Variants in SEMA5A observed in about 807,000 individuals in gnomAD.
SEMA5A encodes the protein semaphorin 5A.
SEMA5A carries 55 observed loss-of-function variants against 135.5 expected under a neutral mutation model. The observed-to-expected ratio is 0.41, with a 90% confidence interval of 0.33 to 0.51. The LOEUF is 0.51. Ranked by LOEUF, SEMA5A falls within the 20% of genes least tolerant of loss-of-function variation. The probability of loss-of-function intolerance (pLI) is 0.37; values close to 1 mark genes in which losing one functional copy is unlikely to be tolerated. For missense variants in SEMA5A, 1,290 were observed against 1,419.9 expected (o/e 0.91, Z 1.47); for synonymous variants, 580 against 546.5 (o/e 1.06, Z -0.85).
chr5:9,378,467 C>T (rs1366455031), intron 3 of SEMA5A, among the ~76,000 whole-genome samples: 2 of 152,202 alleles, frequency 1.3e-5, no homozygotes, highest in Non-Finnish European at 2.9e-5. Flanking sequence ...AGGAAATACG[C>T]TGCACTACCC....
At chr5:9,434,030 G>A (rs979046550) in intron 2 of SEMA5A, among the ~76,000 whole-genome samples, 1 of 152,158 alleles carries the variant, frequency 6.6e-6, no homozygotes, top group Non-Finnish European at 1.5e-5. Context: ...TGAGAAAGCA[G>A]GATTGGAACT....
At chr5:9,428,516 T>G (rs143339444) in intron 2 of SEMA5A, among the ~76,000 whole-genome samples, 2 of 152,194 alleles carry the variant, frequency 1.3e-5, no homozygotes, top group African/African-American at 4.8e-5. Flanking sequence ...GCTATTTGAA[T>G]ACCTCACCTT....
At chr5:9,521,358 G>A (rs780891614) in intron 1 of SEMA5A, among the ~76,000 whole-genome samples, 21 of 152,108 alleles carry the variant, frequency 1.4e-4, no homozygotes, top group Non-Finnish European at 2.8e-4. Context: ...CGCAGTGAGC[G>A]GAGATCACGC....
At chr5:9,519,089 G>GT in intron 1 of SEMA5A, among the ~76,000 whole-genome samples, 1 of 152,266 alleles carries the variant, frequency 6.6e-6, no homozygotes, top group East Asian at 1.9e-4. Flanking sequence ...CTCATTTTGT[G>GT]TGTTTGTGGT....
intron 3 of SEMA5A, among the ~76,000 whole-genome samples, chr5:9,377,223 CT>C (rs1306848507): frequency 6.6e-6 from 1 of 152,024 alleles, no homozygotes; most frequent in African/African-American, 2.4e-5. Flanking sequence ...TAATTGCCAC[CT>C]TTCATCTAAG....
intron 1 of SEMA5A, among the ~76,000 whole-genome samples, chr5:9,541,854 C>T (rs1249482455): frequency 6.6e-6 from 1 of 152,166 alleles, no homozygotes; most frequent in Admixed American, 6.5e-5. Context: ...AAATGGACAG[C>T]CTGGTTTCCT....
At chr5:9,314,703 A>G (rs560748344) in intron 5 of SEMA5A, among the ~76,000 whole-genome samples, 1 of 152,258 alleles carries the variant, frequency 6.6e-6, no homozygotes, top group East Asian at 1.9e-4. Context: ...TGATATAAAA[A>G]AAAAAAGTGT....
chr5:9,477,607 C>G (rs1759717878), intron 1 of SEMA5A, among the ~76,000 whole-genome samples: 1 of 152,286 alleles, frequency 6.6e-6, no homozygotes, highest in East Asian at 1.9e-4. Flanking sequence ...CATTGTGCCC[C>G]TGCTCTAGGG....
intron 11 of SEMA5A, 40 bp from the exon 12 acceptor site, chr5:9,154,735 G>T (rs1316027728): frequency 2.5e-6 from 4 of 1,569,578 alleles, no homozygotes; most frequent in African/African-American, 2.7e-5. Context: ...AAGGTCAGAG[G>T]GTCTCACAAA....
At chr5:9,184,682 G>T (rs1442566312) in intron 11 of SEMA5A, among the ~76,000 whole-genome samples, 2 of 151,860 alleles carry the variant, frequency 1.3e-5, no homozygotes, top group Admixed American at 6.6e-5. Context: ...CTATTTATTC[G>T]CTTATCTCTG....
At chr5:9,540,587 ACT>A (rs1253982855) in intron 1 of SEMA5A, among the ~76,000 whole-genome samples, 1 of 152,046 alleles carries the variant, frequency 6.6e-6, no homozygotes, top group African/African-American at 2.4e-5. Flanking sequence ...ACAGAGCAAG[ACT>A]CTGTCTCAAA....
intron 3 of SEMA5A, among the ~76,000 whole-genome samples, chr5:9,343,233 A>G (rs1245130919): frequency 1.3e-5 from 2 of 152,232 alleles, no homozygotes; most frequent in Non-Finnish European, 2.9e-5. Context: ...TTATGTAAGT[A>G]TGGAGGAAGA....
chr5:9,357,922 T>C (rs1236482368), intron 3 of SEMA5A, among the ~76,000 whole-genome samples: 1 of 152,222 alleles, frequency 6.6e-6, no homozygotes, highest in African/African-American at 2.4e-5. Flanking sequence ...TTAACAAACA[T>C]TATTTGGACA....
chr5:9,398,145 A>G (rs1280664035), intron 2 of SEMA5A, among the ~76,000 whole-genome samples: 4 of 152,230 alleles, frequency 2.6e-5, no homozygotes, highest in Admixed American at 6.5e-5. Flanking sequence ...TAGATTTTTT[A>G]CATAAGCAGC....
chr5:9,399,383 G>A (rs981045855), intron 2 of SEMA5A, among the ~76,000 whole-genome samples: 5 of 152,112 alleles, frequency 3.3e-5, no homozygotes, highest in African/African-American at 4.8e-5. Context: ...CACATTTTAC[G>A]ATTCCATGTA....
rs1735357496 is a variant in SEMA5A, at chr5:9,497,390, C to A, written c.-175+48194G>T. ...TTTCAAATATACAGTCCATACGGTTCAGACACAATGGACTGGGGATAGAGA... is the reference window on the plus strand; with the variant it reads ...TTTCAAATATACAGTCCATACGGTTAAGACACAATGGACTGGGGATAGAGA... On this transcript the variant is annotated intron_variant, in intron 1 of 22. Coordinates refer to ENST00000382496, the MANE Select transcript of SEMA5A (RefSeq NM_003966.3). Among the ~76,000 whole-genome samples, 2 of 152,218 alleles carry A rather than the reference C, an allele frequency of 1.3e-5. 1 individual carries two copies. Among genetic ancestry groups the A allele is most frequent in the South Asian group, 4.1e-4 (2 of 4,832 alleles).
intron 1 of SEMA5A, among the ~76,000 whole-genome samples, chr5:9,442,617 T>C (rs940586178): frequency 5.3e-5 from 8 of 152,168 alleles, no homozygotes; most frequent in Non-Finnish European, 8.8e-5. Flanking sequence ...CCCACATGAC[T>C]AAGTGTGCAG....
At chr5:9,190,964 T>C (rs1426559407) in intron 10 of SEMA5A, among the ~76,000 whole-genome samples, 1 of 152,214 alleles carries the variant, frequency 6.6e-6, no homozygotes, top group African/African-American at 2.4e-5. Flanking sequence ...GTCATTCTCA[T>C]CTGTAAGATC....
At chr5:9,205,849 T>A (rs1427992524) in intron 8 of SEMA5A, among the ~76,000 whole-genome samples, 1 of 152,168 alleles carries the variant, frequency 6.6e-6, no homozygotes, top group Admixed American at 6.5e-5. Context: ...GACCTGCCAT[T>A]AACTCGGGAA....
Sources: allele counts gnomAD v4.1 joint callset (sites outside exome capture counted in the v4.1 genomes callset), GRCh38; gene constraint gnomAD v4.1.1; transcripts MANE v1.5; gene names NCBI Gene and HGNC (gene_info 2026-07-23, HGNC 2026-07-21).